MLLT3: variants seen among roughly 807,000 people sequenced by gnomAD.
MLLT3 encodes the protein MLLT3 super elongation complex subunit.
Under a neutral mutation model 53.2 loss-of-function variants are expected in MLLT3, and 4 were observed. The ratio of observed to expected loss-of-function variants is 0.08; its 90% CI spans 0.04 to 0.17. The LOEUF (loss-of-function observed/expected upper bound fraction) is 0.17, where lower values mean the gene tolerates loss of function less well. Among genes scored for constraint, MLLT3 ranks in the 10% least tolerant of loss-of-function variants. MLLT3 has a pLI of 1.00. For missense variants in MLLT3, 569 were observed against 684.0 expected (o/e 0.83, Z 1.87); for synonymous variants, 283 against 230.6 (o/e 1.23, Z -2.06).
At chr9:20,527,356 C>G (rs761226303) in intron 2 of MLLT3, among the ~76,000 whole-genome samples, 1 of 152,248 alleles carries the variant, frequency 6.6e-6, no homozygotes, top group East Asian at 1.9e-4. Context: ...TCCTAAGGGT[C>G]AAATCTTTCC....
At chr9:20,492,517 A>C (rs1382838586) in intron 2 of MLLT3, among the ~76,000 whole-genome samples, 4 of 151,960 alleles carry the variant, frequency 2.6e-5, no homozygotes, top group African/African-American at 7.2e-5. Context: ...TATAGTTATA[A>C]ACATAAAAAT....
chr9:20,457,238 CTTTTTTTT>C (rs769037689), intron 2 of MLLT3, among the ~76,000 whole-genome samples: 5 of 63,734 alleles, frequency 7.8e-5, no homozygotes, highest in Non-Finnish European at 1.3e-4. Context: ...ACAAGGACAT[CTTTTTTTT>C]TTTTTTTTTT....
intron 2 of MLLT3, among the ~76,000 whole-genome samples, chr9:20,539,683 T>G (rs1054394924): frequency 1.3e-5 from 2 of 152,194 alleles, no homozygotes; most frequent in Admixed American, 1.3e-4. Context: ...CAATTCAACA[T>G]GAGATTTGGG....
intron 2 of MLLT3, among the ~76,000 whole-genome samples, chr9:20,547,024 C>A (rs539997013): frequency 2.0e-5 from 3 of 152,304 alleles, no homozygotes; most frequent in African/African-American, 4.8e-5. Flanking sequence ...TGTTTGCTGG[C>A]TCTGGGTCTC....
intron 4 of MLLT3, among the ~76,000 whole-genome samples, chr9:20,433,366 T>C (rs146816733): frequency 2.4e-4 from 37 of 152,288 alleles, no homozygotes; most frequent in Middle Eastern, 3.4e-3. Flanking sequence ...TGAAAAAATA[T>C]ATACCCATGA....
At chr9:20,440,364 A>G (rs1004648051) in intron 4 of MLLT3, among the ~76,000 whole-genome samples, 6 of 152,168 alleles carry the variant, frequency 3.9e-5, no homozygotes, top group African/African-American at 9.7e-5. Flanking sequence ...GCCTACTTCG[A>G]GTCTCAGACA....
rs143639476 is a variant in MLLT3, at chr9:20,541,022, C to T, written c.193+79632G>A. 3.6e-3 allele frequency among the ~76,000 whole-genome samples: 543 copies of T among 152,284 alleles called. 3 individuals are homozygous for T. Among genetic ancestry groups the T allele is most frequent in the African/African-American group, 0.012 (504 of 41,548 alleles). On this transcript the variant is annotated intron_variant, in intron 2 of 10. Coordinates refer to ENST00000380338, the MANE Select transcript of MLLT3 (RefSeq NM_004529.4). ...TTCTTCCACCATATACCCTAAATCA[C>T]CTCTCTCAAGTTCAAAGTTCCACAA...
At chr9:20,361,454 T>C (rs1053754472) in intron 7 of MLLT3, among the ~76,000 whole-genome samples, 25 of 152,142 alleles carry the variant, frequency 1.6e-4, no homozygotes, top group African/African-American at 6.0e-4. Flanking sequence ...CATCTAAGGA[T>C]TGAACATGTG....
chr9:20,557,226 G>C (rs558092346), intron 2 of MLLT3, among the ~76,000 whole-genome samples: 3 of 152,110 alleles, frequency 2.0e-5, no homozygotes, highest in East Asian at 3.9e-4. Flanking sequence ...CAGGTGCTGT[G>C]AACTGCTAAT....
At chr9:20,552,125 C>G (rs1007575388) in intron 2 of MLLT3, among the ~76,000 whole-genome samples, 6 of 152,150 alleles carry the variant, frequency 3.9e-5, no homozygotes, top group South Asian at 2.1e-4. Flanking sequence ...CTGATCAATT[C>G]TCAGAAGCAT....
chr9:20,555,754 A>C (rs1012781387), intron 2 of MLLT3, among the ~76,000 whole-genome samples: 3 of 152,230 alleles, frequency 2.0e-5, no homozygotes, highest in Non-Finnish European at 4.4e-5. Flanking sequence ...GGCAACAAGG[A>C]GGAGACCCAC....
chr9:20,414,675 G>A (rs1237545450), intron 4 of MLLT3, among the ~76,000 whole-genome samples: 1 of 152,152 alleles, frequency 6.6e-6, no homozygotes, highest in Non-Finnish European at 1.5e-5. Context: ...GAAGCATGGA[G>A]TTTTAAAACA....
intron 3 of MLLT3, among the ~76,000 whole-genome samples, chr9:20,455,893 T>A (rs1227501017): frequency 6.6e-6 from 1 of 151,830 alleles, no homozygotes; most frequent in African/African-American, 2.4e-5. Flanking sequence ...TATTATACAG[T>A]CTGTGTGTTA....
At position 20,621,998 on chromosome 9, in the gene MLLT3, G is replaced by A. The variant is rs1233836961; in HGVS notation, c.12+247C>T. ...CAAAGAGGCGAGGAGGGAGGGAGGC[G>A]CGGGGGGTGGAGGGGCGAGTGTGAG... is the stretch of plus-strand genomic sequence containing the variant. On this transcript the variant is annotated intron_variant, in intron 1 of 10. Coordinates refer to ENST00000380338, the MANE Select transcript of MLLT3 (RefSeq NM_004529.4). This position sits in a 1 kb window ranked among gnomAD's most constrained non-coding sequence, Gnocchi z 7.0. 15 of 1,392,106 alleles carry A rather than the reference G, an allele frequency of 1.1e-5. No homozygotes were observed. In the African/African-American group the frequency reaches 2.1e-4, roughly 20 times the overall value. The allele number at this position is 1,392,106 out of a possible 1,614,324, so 86.2% of individuals were successfully genotyped here. A position where few individuals can be genotyped will look rare whatever the true frequency, so the allele number is the denominator to read the frequency against.
intron 5 of MLLT3, among the ~76,000 whole-genome samples, chr9:20,373,161 T>C (rs1006119081): frequency 6.6e-6 from 1 of 152,142 alleles, no homozygotes; most frequent in African/African-American, 2.4e-5. Flanking sequence ...TAAATTGATA[T>C]AATAAAGTAA....
At chr9:20,387,663 C>G (rs1321510563) in intron 5 of MLLT3, among the ~76,000 whole-genome samples, 6 of 152,050 alleles carry the variant, frequency 3.9e-5, no homozygotes, top group Admixed American at 3.3e-4. Context: ...AGTTTTCATG[C>G]CAATTATATT....
At chr9:20,395,416 ATATTCC>A (rs1450400225) in intron 5 of MLLT3, among the ~76,000 whole-genome samples, 1 of 152,184 alleles carries the variant, frequency 6.6e-6, no homozygotes, top group Non-Finnish European at 1.5e-5. Context: ...GTTTTCAAAA[ATATTCC>A]TACATATTCA....
At chr9:20,563,683 C>G (rs1368944507) in intron 2 of MLLT3, among the ~76,000 whole-genome samples, 2 of 152,090 alleles carry the variant, frequency 1.3e-5, no homozygotes, top group Non-Finnish European at 2.9e-5. Flanking sequence ...TTCCCTTTAT[C>G]CTTCAGTGAA....
chr9:20,460,452 A>G (rs1178787910), intron 2 of MLLT3, among the ~76,000 whole-genome samples: 1 of 152,204 alleles, frequency 6.6e-6, no homozygotes, highest in Admixed American at 6.5e-5. Context: ...TAATTCAGGC[A>G]AAATCATTAA....
Sources: gnomAD v4.1 joint callset for allele counts (sites outside exome capture counted in the v4.1 genomes callset) on GRCh38, gnomAD v4.1.1 for gene constraint, Gnocchi (gnomAD v3.1) non-coding constraint, MANE v1.5 for transcripts, NCBI Gene and HGNC (gene_info 2026-07-23, HGNC 2026-07-21) for gene names.